NTM: variants seen among roughly 807,000 people sequenced by gnomAD.
NTM encodes neurotrimin, also known as IgLON family member 2.
NTM carries 13 observed loss-of-function variants against 42.1 expected under a neutral mutation model. The observed-to-expected ratio is 0.31, with a 90% CI of 0.20 to 0.49. NTM has a LOEUF of 0.49. Among genes scored for constraint, NTM ranks in the 20% least tolerant of loss-of-function variants. The pLI is 0.99. For synonymous variants in NTM, 187 were observed against 179.2 expected (o/e 1.04, Z -0.35); for missense variants, 373 against 452.8 (o/e 0.82, Z 1.60).
At chr11:132,217,795 G>C (rs1416282747) in intron 4 of NTM, among the ~76,000 whole-genome samples, 1 of 146,892 alleles carries the variant, frequency 6.8e-6, no homozygotes, top group Non-Finnish European at 1.5e-5. Context: ...GCACCAAATT[G>C]ATGGAGGCAA....
At position 132,071,306 on chromosome 11, in the gene NTM, A is replaced by C. The variant is rs553616922; in HGVS notation, c.168-74976A>C. Among the ~76,000 whole-genome samples the C allele has an allele frequency of 9.6e-5, 12 of 124,354 alleles. 1 individual carries two copies. Among genetic ancestry groups the C allele is most frequent in the Admixed American group, 1.6e-4 (2 of 12,684 alleles). 81.6% of individuals were successfully genotyped at this position (124,354 alleles called of 152,430 possible). A position where few individuals can be genotyped will look rare whatever the true frequency, so the allele number is the denominator to read the frequency against. ...AGTTAACACGTCACACAGCCAAGTTAACACGTCACACTGACCATCACAGGT... is the reference window on the plus strand; with the variant it reads ...AGTTAACACGTCACACAGCCAAGTTCACACGTCACACTGACCATCACAGGT... On this transcript the variant is annotated intron_variant, in intron 2 of 8. Coordinates refer to ENST00000683400, the MANE Select transcript of NTM (RefSeq NM_001352005.2).
At chr11:132,034,142 C>G (rs1397788075) in intron 2 of NTM, among the ~76,000 whole-genome samples, 2 of 152,160 alleles carry the variant, frequency 1.3e-5, no homozygotes, top group African/African-American at 4.8e-5. Flanking sequence ...TGGGATAGCA[C>G]TTATTTCAGA....
At position 131,435,866 on chromosome 11, in the gene NTM, G is replaced by A. The variant is rs575588942; in HGVS notation, c.82+64978G>A. ...AAGAGGGCATCCCTGCCTTGTGCCA[G>A]TTTTCAAAGGGAATGCTTCCAGTTT... On this transcript the variant is annotated intron_variant, in intron 1 of 8. Coordinates refer to ENST00000683400, the MANE Select transcript of NTM (RefSeq NM_001352005.2). Among the ~76,000 whole-genome samples, 307 of 152,302 alleles carry A rather than the reference G, an allele frequency of 2.0e-3. 1 individual carries two copies. The highest frequency in any genetic ancestry group is 7.0e-3 in the African/African-American group (291 of 41,560).
At chr11:132,114,224 G>C (rs1027713301) in intron 2 of NTM, among the ~76,000 whole-genome samples, 1 of 152,182 alleles carries the variant, frequency 6.6e-6, no homozygotes, top group African/African-American at 2.4e-5. Flanking sequence ...TTAAAATAAA[G>C]AGCAAGTGTT....
chr11:131,934,685 A>G (rs1039422867), intron 2 of NTM, among the ~76,000 whole-genome samples: 3 of 152,170 alleles, frequency 2.0e-5, no homozygotes, highest in African/African-American at 7.2e-5. Flanking sequence ...CTCTGAGAGG[A>G]AGTGACATTT....
intron 3 of NTM, among the ~76,000 whole-genome samples, chr11:132,210,693 G>A (rs369529525): frequency 1.3e-5 from 2 of 152,174 alleles, no homozygotes; most frequent in East Asian, 3.9e-4. Context: ...AGGCTCAGAT[G>A]TGCAGCAACA....
intron 1 of NTM, among the ~76,000 whole-genome samples, chr11:131,540,319 C>T (rs2053039628): frequency 1.3e-5 from 2 of 152,196 alleles, no homozygotes; most frequent in East Asian, 1.9e-4. Flanking sequence ...CGCATGCCAC[C>T]ATGGCCAGCT....
intron 1 of NTM, among the ~76,000 whole-genome samples, chr11:131,401,830 A>ATATATATG (rs1945235640): frequency 1.5e-5 from 1 of 65,328 alleles, no homozygotes; most frequent in African/African-American, 7.2e-5. Context: ...ATATATATAT[A>ATATATATG]TATATATATA....
chr11:131,991,619 T>C (rs1324642818), intron 2 of NTM, among the ~76,000 whole-genome samples: 1 of 152,188 alleles, frequency 6.6e-6, no homozygotes, highest in Admixed American at 6.5e-5. Context: ...AAACATTTTA[T>C]GTAAAATGTA....
chr11:131,848,120 T>G (rs2045132080), intron 1 of NTM, among the ~76,000 whole-genome samples: 1 of 152,180 alleles, frequency 6.6e-6, no homozygotes, highest in Admixed American at 6.5e-5. Flanking sequence ...AAATGGAATT[T>G]TATTAAGGGG....
intron 1 of NTM, among the ~76,000 whole-genome samples, chr11:131,675,859 C>T (rs906033333): frequency 5.9e-5 from 9 of 152,170 alleles, no homozygotes; most frequent in African/African-American, 2.2e-4. Flanking sequence ...GAAAATGGCC[C>T]TGTTTCTAGA....
chr11:131,995,124 C>T (rs2067755512), intron 2 of NTM, among the ~76,000 whole-genome samples: 1 of 152,184 alleles, frequency 6.6e-6, no homozygotes, highest in African/African-American at 2.4e-5. Flanking sequence ...CTTTCTATCT[C>T]CTTTAAGCCC....
chr11:132,330,325 C>G (rs1037288795), intron 8 of NTM, 140 bp downstream of exon 8: 8 of 887,930 alleles, frequency 9.0e-6, no homozygotes, highest in Non-Finnish European at 1.4e-5. Context: ...CTTCAACCAT[C>G]TCCGTGTCAA....
At chr11:131,370,958 G>A in intron 1 of NTM, 70 bp downstream of exon 1, 1 of 1,599,124 alleles carries the variant, frequency 6.3e-7, no homozygotes, top group Non-Finnish European at 8.5e-7. Context: ...AAGATTTGCA[G>A]ACTCCCCGAG....
intron 1 of NTM, among the ~76,000 whole-genome samples, chr11:131,481,040 C>T (rs1953524339): frequency 6.6e-6 from 1 of 152,074 alleles, no homozygotes; most frequent in African/African-American, 2.4e-5. Context: ...AGACCGATGA[C>T]TGCATATAAA....
chr11:131,858,022 C>T (rs578088182), intron 1 of NTM, among the ~76,000 whole-genome samples: 1 of 151,850 alleles, frequency 6.6e-6, no homozygotes. Context: ...CCTACTCCAT[C>T]TCTTCCAGCC....
chr11:132,014,541 C>A (rs2072971536), intron 2 of NTM, among the ~76,000 whole-genome samples: 1 of 151,748 alleles, frequency 6.6e-6, no homozygotes, highest in Admixed American at 6.6e-5. Flanking sequence ...TCTCTGCTTT[C>A]TGCATTATTT....
chr11:131,396,958 A>T (rs572088659), intron 1 of NTM, among the ~76,000 whole-genome samples: 1 of 152,218 alleles, frequency 6.6e-6, no homozygotes, highest in African/African-American at 2.4e-5. Context: ...CTATATTTTT[A>T]AGACGCCATG....
At position 131,683,427 on chromosome 11, in the gene NTM, A is replaced by G. The variant is rs79850766; in HGVS notation, c.83-228137A>G. Among the ~76,000 whole-genome samples the G allele has an allele frequency of 9.7e-3, 1,472 of 152,318 alleles. 29 individuals carry two copies. Among genetic ancestry groups the G allele is most frequent in the African/African-American group, 0.033 (1,375 of 41,564 alleles). On this transcript the variant is annotated intron_variant, in intron 1 of 8. Transcript: ENST00000683400. ...TACCTAAGTCCCCTCTTGGGAAATG[A>G]AGGGATAATGCAATAGGCTCCAGAA...
Sources: gnomAD v4.1 joint callset for allele counts (sites outside exome capture counted in the v4.1 genomes callset) on GRCh38, gnomAD v4.1.1 for gene constraint, MANE v1.5 for transcripts, NCBI Gene and HGNC (gene_info 2026-07-23, HGNC 2026-07-21) for gene names.